Variants in GRID1 observed in about 807,000 individuals in gnomAD.
GRID1 encodes glutamate receptor ionotropic, delta-1.
In GRID1, 28 loss-of-function variants were observed where a neutral mutation model predicts 98.0. That is an observed-to-expected ratio of 0.29 (90% CI 0.21 to 0.39). The LOEUF is 0.39. Among genes scored for constraint, GRID1 ranks in the 10% least tolerant of loss-of-function variants. GRID1 has a pLI of 1.00. For synonymous variants in GRID1, 553 were observed against 538.5 expected, an observed-to-expected ratio of 1.03 and a Z score of -0.37; for missense variants, 1,111 against 1,340.5, an observed-to-expected ratio of 0.83 and a Z score of 2.67.
At chr10:86,046,640 T>C (rs1351969914) in intron 4 of GRID1, among the ~76,000 whole-genome samples, 1 of 152,116 alleles carries the variant, frequency 6.6e-6, no homozygotes, top group Non-Finnish European at 1.5e-5. Flanking sequence ...CAGTTAACCC[T>C]AGATTCACCT....
chr10:85,969,432 T>C lies in GRID1; in HGVS notation c.727-53193A>G, dbSNP rs1484096897. 2.6e-5 allele frequency among the ~76,000 whole-genome samples: 4 copies of C among 152,130 alleles called. No individual in the cohort carries two copies. The South Asian group carries it at 6.2e-4, about 24-fold the overall frequency. On this transcript the variant is annotated intron_variant, in intron 4 of 15. Coordinates refer to ENST00000327946, the MANE Select transcript of GRID1 (RefSeq NM_017551.3). ...CATTTCCCCAGGATAGGACAGACTA[T>C]GTGCTATGCCCTAAAACATGCCTCG... is the stretch of plus-strand genomic sequence containing the variant.
At chr10:86,209,119 T>G (rs1589411717) in intron 2 of GRID1, among the ~76,000 whole-genome samples, 1 of 152,206 alleles carries the variant, frequency 6.6e-6, no homozygotes, top group Non-Finnish European at 1.5e-5. Context: ...AACATCAACA[T>G]GCATGAAAGA....
At chr10:86,117,006 A>G (rs1033363748) in intron 4 of GRID1, among the ~76,000 whole-genome samples, 2 of 151,624 alleles carry the variant, frequency 1.3e-5, no homozygotes, top group African/African-American at 4.9e-5. Flanking sequence ...CACCATCATT[A>G]CCACAATCAC....
intron 2 of GRID1, among the ~76,000 whole-genome samples, chr10:86,351,385 G>T (rs1238884106): frequency 6.6e-6 from 1 of 152,248 alleles, no homozygotes; most frequent in Non-Finnish European, 1.5e-5. Flanking sequence ...CAAGCCACAG[G>T]GCAGGCTGGG....
At chr10:85,928,621 G>A (rs535691604) in intron 4 of GRID1, among the ~76,000 whole-genome samples, 34 of 152,318 alleles carry the variant, frequency 2.2e-4, no homozygotes, top group Admixed American at 2.2e-3. Flanking sequence ...CATTCCTGGG[G>A]ACAGCACAGC....
chr10:85,913,509 G>A (rs945885212), intron 5 of GRID1, among the ~76,000 whole-genome samples: 1 of 152,214 alleles, frequency 6.6e-6, no homozygotes, highest in East Asian at 1.9e-4. Context: ...ATATTAGCTG[G>A]CTGGGCATGG....
At chr10:86,230,321 GT>G (rs778121986) in intron 2 of GRID1, among the ~76,000 whole-genome samples, 2 of 152,178 alleles carry the variant, frequency 1.3e-5, no homozygotes, top group East Asian at 1.9e-4. Context: ...TGGTCACACA[GT>G]TGCCTGGGGG....
chr10:86,196,630 T>G (rs1482471261), intron 3 of GRID1, among the ~76,000 whole-genome samples: 1 of 152,098 alleles, frequency 6.6e-6, no homozygotes, highest in African/African-American at 2.4e-5. Context: ...TCACTGTGAT[T>G]CATATGTGTT....
intron 4 of GRID1, among the ~76,000 whole-genome samples, chr10:86,108,906 A>G (rs940908285): frequency 2.0e-5 from 3 of 152,116 alleles, no homozygotes; most frequent in Admixed American, 6.6e-5. Flanking sequence ...GTTGGCTATC[A>G]TAAGTGCCCA....
intron 2 of GRID1, among the ~76,000 whole-genome samples, chr10:86,252,345 G>A (rs1355720777): frequency 6.6e-6 from 1 of 152,124 alleles, no homozygotes; most frequent in Non-Finnish European, 1.5e-5. Context: ...CCTTCGTTGT[G>A]GGCCTCCTGG....
intron 4 of GRID1, among the ~76,000 whole-genome samples, chr10:86,045,869 C>T (rs1168722236): frequency 2.0e-5 from 3 of 152,114 alleles, no homozygotes; most frequent in South Asian, 2.1e-4. Context: ...TGGCTGAAAC[C>T]GTAGTTTAGA....
At chr10:86,362,518 C>A (rs1848613216) in intron 2 of GRID1, among the ~76,000 whole-genome samples, 1 of 152,168 alleles carries the variant, frequency 6.6e-6, no homozygotes, top group South Asian at 2.1e-4. Flanking sequence ...GTGTTAGCCT[C>A]ACCCCCCCTA....
chr10:85,953,613 C>G (rs1318058533), intron 4 of GRID1, among the ~76,000 whole-genome samples: 2 of 152,188 alleles, frequency 1.3e-5, no homozygotes, highest in African/African-American at 2.4e-5. Flanking sequence ...TCTGTGGACT[C>G]TATAATATTC....
intron 2 of GRID1, among the ~76,000 whole-genome samples, chr10:86,220,275 C>G (rs1846233797): frequency 2.0e-5 from 3 of 152,284 alleles, no homozygotes; most frequent in Admixed American, 1.3e-4. Flanking sequence ...CCAGAACTCT[C>G]AGAGAGAAGG....
intron 4 of GRID1, among the ~76,000 whole-genome samples, chr10:86,039,952 A>G (rs1843322363): frequency 6.6e-6 from 1 of 152,192 alleles, no homozygotes; most frequent in Admixed American, 6.5e-5. Context: ...ATTATCTGTC[A>G]ACTTGTCACT....
intron 4 of GRID1, among the ~76,000 whole-genome samples, chr10:85,938,126 T>C (rs547403578): frequency 2.0e-3 from 298 of 152,310 alleles, no homozygotes; most frequent in Non-Finnish European, 3.1e-3. Flanking sequence ...AATGCCTCCT[T>C]TCCAATTATG....
chr10:86,042,894 A>C (rs1843366535), intron 4 of GRID1, among the ~76,000 whole-genome samples: 1 of 152,156 alleles, frequency 6.6e-6, no homozygotes, highest in Non-Finnish European at 1.5e-5. Flanking sequence ...AAGATCAGCC[A>C]GGGCAACATA....
chr10:86,199,172 A>T (rs1845914244), intron 3 of GRID1, among the ~76,000 whole-genome samples: 1 of 152,088 alleles, frequency 6.6e-6, no homozygotes, highest in Admixed American at 6.6e-5. Context: ...CCTTGGAGTG[A>T]CCATGTGTGT....
Position 86,056,739 on chromosome 10 carries a change from G to A in GRID1, c.726+82080C>T, listed in dbSNP as rs142917513. 2.2e-3 allele frequency among the ~76,000 whole-genome samples: 329 copies of A among 152,350 alleles called. 1 individual carries two copies. The highest frequency in any genetic ancestry group is 7.2e-3 in the African/African-American group (300 of 41,578). On this transcript the variant is annotated intron_variant, in intron 4 of 15. Transcript: ENST00000327946. Reference sequence around the variant, plus strand: ...ACACGCACAGCCTCTGCAAAGCCACGTGGTGGATCTTATAGCAGAGACTGT... The same window carrying A: ...ACACGCACAGCCTCTGCAAAGCCACATGGTGGATCTTATAGCAGAGACTGT...
Sources: gnomAD v4.1 joint callset for allele counts (sites outside exome capture counted in the v4.1 genomes callset) on GRCh38, gnomAD v4.1.1 for gene constraint, MANE v1.5 for transcripts, NCBI Gene and HGNC (gene_info 2026-07-23, HGNC 2026-07-21) for gene names.